DTNA: variants seen among roughly 807,000 people sequenced by gnomAD.
DTNA encodes dystrophin-related protein 3.
In DTNA, 43 loss-of-function variants were observed where a neutral mutation model predicts 100.7. The observed-to-expected ratio is 0.43, with a 90% CI of 0.33 to 0.55. The LOEUF (loss-of-function observed/expected upper bound fraction) is 0.55. Among genes scored for constraint, DTNA ranks in the 20% least tolerant of loss-of-function variants. The pLI, the probability that DTNA is intolerant of heterozygous loss-of-function variation, is 0.04. For synonymous variants in DTNA, 349 were observed against 347.9 expected (o/e 1.00, Z -0.04); for missense variants, 798 against 953.9 (o/e 0.84, Z 2.15).
At chr18:34,842,110 G>A (rs1444879514) in intron 13 of DTNA, among the ~76,000 whole-genome samples, 14 of 152,094 alleles carry the variant, frequency 9.2e-5, no homozygotes, top group Admixed American at 9.2e-4. Flanking sequence ...CCCAAAGCTT[G>A]TCAAATTCCT....
rs142780942 is a variant in DTNA at position 34,819,936 on chromosome 18, G to T, written c.877-855G>T. ...GTTTCTTATGGAAAGGAAAAACATG[G>T]TTAAGGTTTTATTATTATGTTGGTG... On this transcript the variant is annotated intron_variant, in intron 8 of 22. Coordinates refer to ENST00000444659, the MANE Select transcript of DTNA (RefSeq NM_001386795.1). Among the ~76,000 whole-genome samples the T allele has an allele frequency of 8.1e-3, 1,213 of 149,100 alleles. 17 individuals carry two copies. The highest frequency in any genetic ancestry group is 0.029 in the African/African-American group (1,168 of 40,880).
chr18:34,820,249 C>T lies in DTNA; in HGVS notation c.877-542C>T, dbSNP rs542323001. On this transcript the variant is annotated intron_variant, in intron 8 of 22. Coordinates refer to ENST00000444659, the MANE Select transcript of DTNA (RefSeq NM_001386795.1). ...GCACCTGGATTCCCGCAAAATCTTC[C>T]ACTCATCTTCATTCCAAGCCTATTT... Among the ~76,000 whole-genome samples the T allele has an allele frequency of 1.4e-4, 21 of 152,172 alleles. No homozygotes were observed. In the East Asian group the frequency reaches 4.1e-3, roughly 29 times the overall value.
chr18:34,635,429 C>A (rs1362610168), intron 1 of DTNA, among the ~76,000 whole-genome samples: 3 of 152,150 alleles, frequency 2.0e-5, no homozygotes, highest in Admixed American at 1.3e-4. Context: ...TTAATAGGAA[C>A]CTCCACACTG....
chr18:34,854,221 A>G (rs529270133), intron 15 of DTNA, among the ~76,000 whole-genome samples: 1 of 152,348 alleles, frequency 6.6e-6, no homozygotes, highest in South Asian at 2.1e-4. Flanking sequence ...AGATCATGGC[A>G]AGAAAAAGAA....
chr18:34,821,068 G>A (rs1324281255), intron 9 of DTNA, 153 bp downstream of exon 9: 2 of 1,195,938 alleles, frequency 1.7e-6, no homozygotes, highest in Admixed American at 4.0e-5. Context: ...ATAATTTTTT[G>A]TTGTTGTTGA....
intron 1 of DTNA, among the ~76,000 whole-genome samples, chr18:34,501,556 T>C (rs925975205): frequency 3.3e-5 from 5 of 152,200 alleles, no homozygotes; most frequent in African/African-American, 1.2e-4. Flanking sequence ...CTTTAAACTT[T>C]TGGTAGAATT....
chr18:34,868,875 A>T, intron 17 of DTNA: 2 of 716,744 alleles, frequency 2.8e-6, no homozygotes, highest in Non-Finnish European at 3.4e-6. Flanking sequence ...GGAACCATAA[A>T]AAGAACACTC....
chr18:34,665,464 G>A (rs901862426), intron 1 of DTNA, among the ~76,000 whole-genome samples: 2 of 152,064 alleles, frequency 1.3e-5, no homozygotes, highest in Non-Finnish European at 2.9e-5. Context: ...GGGTACATGT[G>A]CACAATGTGC....
chr18:34,890,009 A>T lies in DTNA; in HGVS notation c.*2275A>T. On this transcript the variant is annotated 3_prime_UTR_variant, in exon 23 of 23. Coordinates refer to ENST00000444659, the MANE Select transcript of DTNA (RefSeq NM_001386795.1). ...CAGCTACCTATAATGCTGTCAGCTC[A>T]AAATCATAGCCAGGTAGTTCTTGAA... 1.6e-6 allele frequency: 2 copies of T among 1,228,596 alleles called. No homozygotes were observed. Among genetic ancestry groups the T allele is most frequent in the South Asian group, 2.4e-5 (1 of 41,364 alleles). 76.1% of individuals were successfully genotyped at this position (1,228,596 alleles called of 1,614,324 possible). A position where few individuals can be genotyped will look rare whatever the true frequency, so the allele number is the denominator to read the frequency against.
In DTNA at chr18:34,890,292, T is replaced by C; in HGVS notation, c.*2558T>C. The C allele has an allele frequency of 6.5e-7, 1 of 1,530,934 alleles. No homozygotes were observed. Among genetic ancestry groups the C allele is most frequent in the Non-Finnish European group, 8.7e-7 (1 of 1,143,588 alleles). 94.8% of individuals were successfully genotyped at this position (1,530,934 alleles called of 1,614,324 possible). A position where few individuals can be genotyped will look rare whatever the true frequency, so the allele number is the denominator to read the frequency against. Reference sequence around the variant, plus strand: ...TCTGACTAACCAGCCACCTTTTCTCTCTCTTAGCTCCACGTCAGCACTGAG... The same window carrying C: ...TCTGACTAACCAGCCACCTTTTCTCCCTCTTAGCTCCACGTCAGCACTGAG... On this transcript the variant is annotated 3_prime_UTR_variant, in exon 23 of 23. Coordinates refer to ENST00000444659, the MANE Select transcript of DTNA (RefSeq NM_001386795.1).
At chr18:34,849,148 C>T (rs918568342) in intron 14 of DTNA, among the ~76,000 whole-genome samples, 10 of 152,036 alleles carry the variant, frequency 6.6e-5, no homozygotes, top group African/African-American at 2.4e-4. Flanking sequence ...GTACTGTGTG[C>T]CCCCAAAATC....
At chr18:34,521,807 T>G (rs536803852) in intron 1 of DTNA, among the ~76,000 whole-genome samples, 3 of 152,286 alleles carry the variant, frequency 2.0e-5, no homozygotes, top group Admixed American at 2.0e-4. Flanking sequence ...CTGTCCCTCT[T>G]TATCCACTTT....
chr18:34,872,056 CT>C (rs1422916347), intron 17 of DTNA, among the ~76,000 whole-genome samples: 1 of 152,214 alleles, frequency 6.6e-6, no homozygotes, highest in Non-Finnish European at 1.5e-5. Context: ...ATTCAGTCAA[CT>C]GTTTTTCCCT....
intron 20 of DTNA, 59 bp from the exon 21 acceptor site, chr18:34,882,010 C>A: frequency 6.2e-7 from 1 of 1,612,354 alleles, no homozygotes; most frequent in Non-Finnish European, 8.5e-7. Context: ...ACACATGAAT[C>A]CCGCTTGTAA....
intron 4 of DTNA, among the ~76,000 whole-genome samples, chr18:34,802,443 T>G (rs559739560): frequency 1.3e-5 from 2 of 152,370 alleles, no homozygotes; most frequent in South Asian, 4.1e-4. Flanking sequence ...ATTGGCTGTT[T>G]GTAAATCAAA....
At chr18:34,691,277 T>C (rs1354304694) in intron 1 of DTNA, among the ~76,000 whole-genome samples, 4 of 152,246 alleles carry the variant, frequency 2.6e-5, no homozygotes, top group African/African-American at 9.6e-5. Flanking sequence ...TTCTAACTTA[T>C]GTTCAGATCT....
At chr18:34,685,249 T>G (rs114428176) in intron 1 of DTNA, among the ~76,000 whole-genome samples, 2,241 of 152,342 alleles carry the variant, frequency 0.015, 58 homozygotes, top group African/African-American at 0.052. Context: ...CCTGATTTTC[T>G]TCTTGGGTTT....
intron 1 of DTNA, among the ~76,000 whole-genome samples, chr18:34,696,080 G>T (rs765160064): frequency 1.3e-5 from 2 of 152,144 alleles, no homozygotes; most frequent in African/African-American, 2.4e-5. Flanking sequence ...TCTGAAGAAA[G>T]CACACACAGC....
At chr18:34,531,943 T>C (rs1961477240) in intron 1 of DTNA, among the ~76,000 whole-genome samples, 1 of 152,136 alleles carries the variant, frequency 6.6e-6, no homozygotes, top group South Asian at 2.1e-4. Flanking sequence ...GTTAAATCCT[T>C]TGAATAGAAG....
Sources: allele counts gnomAD v4.1 joint callset (sites outside exome capture counted in the v4.1 genomes callset), GRCh38; gene constraint gnomAD v4.1.1; transcripts MANE v1.5; gene names NCBI Gene and HGNC (gene_info 2026-07-23, HGNC 2026-07-21).